IL13RA1: variants seen among roughly 807,000 people sequenced by gnomAD.
The protein encoded by IL13RA1 is interleukin-13 receptor subunit alpha-1.
IL13RA1 carries 14 observed loss-of-function variants against 33.8 expected under a neutral mutation model. The ratio of observed to expected loss-of-function variants is 0.41; its 90% CI spans 0.27 to 0.65. IL13RA1 has a LOEUF of 0.65. IL13RA1 is among the 30% of genes least tolerant of loss of function. The probability of loss-of-function intolerance (pLI) is 0.28; values close to 1 mark genes in which losing one functional copy is unlikely to be tolerated. For missense variants in IL13RA1, 313 were observed against 327.0 expected, an observed-to-expected ratio of 0.96 and a Z score of 0.33; for synonymous variants, 116 against 115.7, an observed-to-expected ratio of 1.00 and a Z score of -0.02.
chrX:118,775,392 A>C (rs1299502148), intron 9 of IL13RA1, among the ~76,000 whole-genome samples: 1 of 111,147 alleles, frequency 9.0e-6, no homozygotes, highest in East Asian at 2.8e-4. Flanking sequence ...GGAGCATTGG[A>C]GAGTTTTGAG....
At chrX:118,765,453 ATTATGT>A (rs764064231) in intron 6 of IL13RA1, among the ~76,000 whole-genome samples, 23 of 111,192 alleles carry the variant, frequency 2.1e-4, no homozygotes, top group Non-Finnish European at 4.0e-4. Flanking sequence ...TTCACTCAAC[ATTATGT>A]TTATGAGATT....
intron 10 of IL13RA1, among the ~76,000 whole-genome samples, chrX:118,777,824 TAAATG>T (rs2017802568): frequency 8.9e-6 from 1 of 111,816 alleles, no homozygotes. Flanking sequence ...ATAAAGACAC[TAAATG>T]AAATAAATAT....
chrX:118,765,629 T>C (rs750656736), intron 6 of IL13RA1, among the ~76,000 whole-genome samples: 1 of 112,301 alleles, frequency 8.9e-6, no homozygotes, highest in East Asian at 2.8e-4. Context: ...CACATACTTG[T>C]CTCTTGGTAC....
intron 4 of IL13RA1, among the ~76,000 whole-genome samples, chrX:118,754,678 C>T (rs1294024859): frequency 9.2e-6 from 1 of 109,009 alleles, no homozygotes; most frequent in Non-Finnish European, 1.9e-5. Flanking sequence ...TTGTTATTAT[C>T]CCCACTCCTT....
intron 10 of IL13RA1, among the ~76,000 whole-genome samples, chrX:118,785,584 T>G (rs991781992): frequency 2.7e-5 from 3 of 111,969 alleles, no homozygotes; most frequent in Non-Finnish European, 3.8e-5. Context: ...TTTGTTTTAT[T>G]TTTTGAGATG....
chrX:118,747,645 A>G (rs1395332442), intron 3 of IL13RA1, among the ~76,000 whole-genome samples: 1 of 111,661 alleles, frequency 9.0e-6, no homozygotes, highest in Non-Finnish European at 1.9e-5. Flanking sequence ...CCTGGCTCCA[A>G]TACAAGTCTA....
intron 10 of IL13RA1, among the ~76,000 whole-genome samples, chrX:118,783,025 T>A (rs966237476): frequency 7.1e-5 from 8 of 112,012 alleles, no homozygotes; most frequent in African/African-American, 2.6e-4. Flanking sequence ...GGTAGACTTG[T>A]ATACCAAAGG....
At chrX:118,736,770 C>A (rs2489871) in intron 1 of IL13RA1, among the ~76,000 whole-genome samples, 18,948 of 111,006 alleles carry the variant, frequency 0.17, 1,488 homozygotes, top group East Asian at 0.41. Flanking sequence ...CCACACCTAG[C>A]TAATTTAACC....
chrX:118,761,430 G>A, intron 6 of IL13RA1, 141 bp downstream of exon 6: 2 of 349,943 alleles, frequency 5.7e-6, no homozygotes, highest in South Asian at 1.8e-4. Context: ...CTAAAATAAG[G>A]CATGGTGGAA....
chrX:118,772,691 TA>T (rs1029433121), intron 8 of IL13RA1, among the ~76,000 whole-genome samples: 2 of 112,708 alleles, frequency 1.8e-5, no homozygotes, highest in Non-Finnish European at 3.8e-5. Flanking sequence ...ACCTGCTTTC[TA>T]TTATAGCTAT....
intron 4 of IL13RA1, among the ~76,000 whole-genome samples, chrX:118,753,466 C>T (rs1269297619): frequency 8.9e-6 from 1 of 112,559 alleles, no homozygotes; most frequent in African/African-American, 3.2e-5. Context: ...CACTGGAGGT[C>T]GCTCAAGATG....
At chrX:118,799,221 C>G (rs758381995), downstream of IL13RA1, among the ~76,000 whole-genome samples, 1 of 113,370 alleles carries the variant, frequency 8.8e-6, no homozygotes, top group Non-Finnish European at 1.9e-5. Context: ...CTGCAGCCCT[C>G]CATGCCTGAG....
Position 118,727,717 on chromosome X carries a change from G to A in IL13RA1, c.79G>A (p.Ala27Thr). Residue 27 changes from alanine (A) to threonine (T), a missense_variant, in exon 1 of 11, where the codon GCG becomes ACG. Ala to Thr is a moderately conservative substitution (Grantham distance 58). Transcript: ENST00000371666. ...AGGGGGGGGAAPTETQPPVTN... is the reference protein window; with the variant it reads ...AGGGGGGGGATPTETQPPVTN... ...CGGCGGGGGCGGGGGCGGGGGCGCCGCGCCTACGGGTGAGTGCGACCCTCG... is the reference window on the plus strand; with the variant it reads ...CGGCGGGGGCGGGGGCGGGGGCGCCACGCCTACGGGTGAGTGCGACCCTCG... 2 of 873,842 alleles carry A rather than the reference G, an allele frequency of 2.3e-6. No individual in the cohort carries two copies. The highest frequency in any genetic ancestry group is 2.8e-6 in the Non-Finnish European group (2 of 705,019). 72.0% of individuals were successfully genotyped at this position (873,842 alleles called of 1,213,427 possible).
intron 10 of IL13RA1, among the ~76,000 whole-genome samples, chrX:118,788,768 G>A (rs1342437215): frequency 5.4e-5 from 6 of 111,868 alleles, no homozygotes; most frequent in Non-Finnish European, 1.1e-4. Flanking sequence ...ATAAGCATAT[G>A]TATTAATATT....
intron 8 of IL13RA1, among the ~76,000 whole-genome samples, chrX:118,772,762 GT>G (rs768165716): frequency 3.3e-3 from 358 of 108,286 alleles, no homozygotes; most frequent in Non-Finnish European, 5.5e-3. Flanking sequence ...AGATCTTGAA[GT>G]TTTTTTTTTA....
At chrX:118,727,982 C>T (rs1331969615) in intron 1 of IL13RA1, among the ~76,000 whole-genome samples, 1 of 111,425 alleles carries the variant, frequency 9.0e-6, no homozygotes, top group East Asian at 2.9e-4. Flanking sequence ...GCGGAGGTGG[C>T]GGCAGCGAAG....
intron 5 of IL13RA1, among the ~76,000 whole-genome samples, chrX:118,760,402 A>G (rs755727036): frequency 1.6e-4 from 18 of 111,794 alleles, no homozygotes; most frequent in African/African-American, 5.5e-4. Context: ...GTGGTCTTTG[A>G]TTGGCATTAA....
intron 1 of IL13RA1, among the ~76,000 whole-genome samples, chrX:118,731,819 G>A (rs1322779372): frequency 8.9e-6 from 1 of 111,878 alleles, no homozygotes; most frequent in Non-Finnish European, 1.9e-5. Flanking sequence ...GTAGAGGTGG[G>A]ATATAAACTC....
downstream of IL13RA1, among the ~76,000 whole-genome samples, chrX:118,794,961 G>A (rs771882478): frequency 1.6e-4 from 18 of 111,278 alleles, no homozygotes; most frequent in African/African-American, 3.9e-4. Flanking sequence ...AGTGGCTCAC[G>A]CCTGTAATCC....
Sources: allele counts gnomAD v4.1 joint callset (sites outside exome capture counted in the v4.1 genomes callset), GRCh38; gene constraint gnomAD v4.1.1; transcripts MANE v1.5; gene names NCBI Gene and HGNC (gene_info 2026-07-23, HGNC 2026-07-21).